The following UGT1A8 variants were observed in gnomAD, a reference collection of about 807,000 sequenced individuals.
The protein encoded by UGT1A8 is UDP glucuronosyltransferase family 1 member A8.
A neutral mutation model predicts 45.3 loss-of-function variants in UGT1A8; 39 were observed. The observed-to-expected ratio is 0.86, with a 90% CI of 0.67 to 1.12. The LOEUF is 1.12. Ranked by LOEUF, UGT1A8 falls within the 50% of genes most tolerant of loss-of-function variation. UGT1A8 has a pLI of 0.00. For synonymous variants in UGT1A8, 275 were observed against 249.2 expected, an observed-to-expected ratio of 1.10 and a Z score of -0.97; for missense variants, 719 against 664.9, an observed-to-expected ratio of 1.08 and a Z score of -0.90.
At chr2:233,723,411 T>C in intron 1 of UGT1A8, among the ~76,000 whole-genome samples, 1 of 134,312 alleles carries the variant, frequency 7.4e-6, no homozygotes, top group African/African-American at 3.0e-5. Context: ...GGTTTCACCA[T>C]ACTGGTCAGG....
chr2:233,631,275 A>G (rs143190044), intron 1 of UGT1A8, among the ~76,000 whole-genome samples: 5,910 of 152,174 alleles, frequency 0.039, 147 homozygotes, highest in Non-Finnish European at 0.061. Context: ...AGTCTTTGCT[A>G]TTGTGAATAG....
chr2:233,724,348 C>G, intron 1 of UGT1A8, among the ~76,000 whole-genome samples: 1 of 144,652 alleles, frequency 6.9e-6, no homozygotes, highest in East Asian at 2.1e-4. Context: ...TGACCCCCCC[C>G]ACCTCCCTCC....
intron 1 of UGT1A8, among the ~76,000 whole-genome samples, chr2:233,696,144 T>C (rs566380676): frequency 1.3e-5 from 2 of 152,304 alleles, no homozygotes; most frequent in African/African-American, 4.8e-5. Flanking sequence ...ATCCCATTGC[T>C]GGGTATATAT....
At chr2:233,690,157 C>A (rs1178614520) in intron 1 of UGT1A8, among the ~76,000 whole-genome samples, 1 of 152,204 alleles carries the variant, frequency 6.6e-6, no homozygotes, top group Non-Finnish European at 1.5e-5. Context: ...GATTCATTGA[C>A]ATGTAGTTAT....
intron 1 of UGT1A8, among the ~76,000 whole-genome samples, chr2:233,697,298 A>G (rs1046894333): frequency 6.6e-6 from 1 of 152,102 alleles, no homozygotes; most frequent in Non-Finnish European, 1.5e-5. Flanking sequence ...TTCTTCATTC[A>G]ATCTTGGTAG....
intron 1 of UGT1A8, among the ~76,000 whole-genome samples, chr2:233,661,166 C>CA (rs1553602596): frequency 6.6e-6 from 1 of 150,970 alleles, no homozygotes; most frequent in Non-Finnish European, 1.5e-5. Flanking sequence ...TAGTTTCAGA[C>CA]TTTTTTTTTC....
chr2:233,685,467 A>G (rs900120949), intron 1 of UGT1A8, among the ~76,000 whole-genome samples: 1 of 152,232 alleles, frequency 6.6e-6, no homozygotes, highest in Non-Finnish European at 1.5e-5. Flanking sequence ...GGGCCAGTGC[A>G]GCTCTGGAGA....
Position 233,729,398 on chromosome 2 carries a change from G to C in UGT1A8, c.856-37636G>C, listed in dbSNP as rs540607993. The C allele has an allele frequency of 2.5e-6, 4 of 1,613,536 alleles. No homozygotes were observed. The Admixed American group carries it at 5.0e-5, about 20-fold the overall frequency. ...TCGTGGACCCAGGATGAATTTGATCGCCATGTGCTGGGCCACACTCAACTG... is the reference window on the plus strand; with the variant it reads ...TCGTGGACCCAGGATGAATTTGATCCCCATGTGCTGGGCCACACTCAACTG... On this transcript the variant is annotated intron_variant, in intron 1 of 4. Transcript: ENST00000373450.
rs547322762 is a variant in UGT1A8 at position 233,653,764 on chromosome 2, T to G, written c.855+35202T>G. 1.4e-3 allele frequency among the ~76,000 whole-genome samples: 207 copies of G among 152,264 alleles called. 3 individuals carry two copies. The highest frequency in any genetic ancestry group is 4.8e-3 in the African/African-American group (198 of 41,550). Reference sequence around the variant, plus strand: ...GATGCCCACCACCACAGTCAGCAAATTTTTGTATTTTTAGTAGACATGGGG... The same window carrying G: ...GATGCCCACCACCACAGTCAGCAAAGTTTTGTATTTTTAGTAGACATGGGG... On this transcript the variant is annotated intron_variant, in intron 1 of 4. Coordinates refer to ENST00000373450, the MANE Select transcript of UGT1A8 (RefSeq NM_019076.5).
intron 1 of UGT1A8, chr2:233,647,819 G>T (rs2073641473): frequency 3.4e-6 from 3 of 873,514 alleles, no homozygotes; most frequent in Admixed American, 5.5e-5. Context: ...TAATTGATTT[G>T]CCCCAAAAGC....
Position 233,618,517 on chromosome 2 carries a change from C to A in UGT1A8, c.810C>A (p.Ile270=). 6.2e-7 allele frequency: 1 copy of A among 1,613,922 alleles called. No individual in the cohort carries two copies. The change falls in exon 1 of 5, where the codon ATC becomes ATA. Residue 270 remains isoleucine, a synonymous_variant. Coordinates refer to ENST00000373450, the MANE Select transcript of UGT1A8 (RefSeq NM_019076.5). ...DYPKPVMPNM[I]FIGGINCHQG... is the part of the protein sequence containing the mutation. ...CCAAACCCGTGATGCCCAATATGAT[C>A]TTCATTGGTGGTATCAACTGCCATC...
At chr2:233,682,052 T>C (rs1386550524) in intron 1 of UGT1A8, 3 of 1,613,936 alleles carry the variant, frequency 1.9e-6, no homozygotes, top group Middle Eastern at 1.6e-4. Flanking sequence ...GAGCCACTGG[T>C]TCACCATGCA....
intron 1 of UGT1A8, among the ~76,000 whole-genome samples, chr2:233,702,121 A>T (rs1297535500): frequency 6.6e-6 from 1 of 152,030 alleles, no homozygotes; most frequent in Non-Finnish European, 1.5e-5. Flanking sequence ...ACCTTAGAAC[A>T]TTTTCAGTCA....
At chr2:233,766,269 TCGG>T (rs1349388778) in intron 1 of UGT1A8, among the ~76,000 whole-genome samples, 29 of 67,888 alleles carry the variant, frequency 4.3e-4, no homozygotes, top group Admixed American at 8.2e-4. Context: ...TGGCCCGGGC[TCGG>T]TGGCCCGGGC....
Position 233,617,869 on chromosome 2 carries a change from G to A in UGT1A8, c.162G>A (p.Glu54=), listed in dbSNP as rs1476954098. 8.1e-6 allele frequency: 13 copies of A among 1,614,148 alleles called. No individual in the cohort carries two copies. The highest frequency in any genetic ancestry group is 5.3e-5 in the African/African-American group (4 of 75,036). Residue 54 remains glutamate (E), a synonymous_variant, in exon 1 of 5, where the codon GAG becomes GAA. Coordinates refer to ENST00000373450, the MANE Select transcript of UGT1A8 (RefSeq NM_019076.5). Reference sequence around the variant, plus strand: ...AGAAACTTATCCTCAGGGGGCATGAGGTGGTTGTAGTCATGCCAGAGGTGA... The same window carrying A: ...AGAAACTTATCCTCAGGGGGCATGAAGTGGTTGTAGTCATGCCAGAGGTGA... ...VVEKLILRGH[E]VVVVMPEVSW...
rs767252152 is a variant in UGT1A8 at position 233,682,228 on chromosome 2, C to A, written c.855+63666C>A. 297 of 1,614,236 alleles carry A rather than the reference C, an allele frequency of 1.8e-4. 2 individuals carry two copies. The South Asian group carries it at 3.1e-3, about 17-fold the overall frequency. On this transcript the variant is annotated intron_variant, in intron 1 of 4. Coordinates refer to ENST00000373450, the MANE Select transcript of UGT1A8 (RefSeq NM_019076.5). ...AGTTCATGGTTTTTGCCGATGCTCG[C>A]TGGACGGCACCATTGCGAAGTGCAT... is the stretch of plus-strand genomic sequence containing the variant.
chr2:233,729,186 C>G, intron 1 of UGT1A8: 1 of 1,613,952 alleles, frequency 6.2e-7, no homozygotes, highest in Non-Finnish European at 8.5e-7. Flanking sequence ...TGCTTCTCCT[C>G]AGTGTCCAGC....
chr2:233,767,170 G>A lies in UGT1A8; in HGVS notation c.987+5G>A. 1.2e-6 allele frequency: 2 copies of A among 1,614,090 alleles called. No homozygotes were observed. Among genetic ancestry groups the A allele is most frequent in the South Asian group, 1.1e-5 (1 of 91,068 alleles). ...TTGGGCAAAATCCCTCAGACAGTAA[G>A]AAGATTCTATACCATGGCCTCATAT... is the stretch of plus-strand genomic sequence containing the variant. On this transcript the variant is annotated splice_donor_5th_base_variant and intron_variant, in intron 2 of 4. Transcript: ENST00000373450.
intron 1 of UGT1A8, among the ~76,000 whole-genome samples, chr2:233,723,841 T>C (rs2077133746): frequency 2.6e-5 from 1 of 38,274 alleles, no homozygotes; most frequent in Non-Finnish European, 4.5e-5. Flanking sequence ...GAGCACAGGG[T>C]TGGGGGTAAG....
Sources: gnomAD v4.1 joint callset for allele counts (sites outside exome capture counted in the v4.1 genomes callset) on GRCh38, gnomAD v4.1.1 for gene constraint, MANE v1.5 for transcripts, NCBI Gene and HGNC (gene_info 2026-07-23, HGNC 2026-07-21) for gene names.